Variants in ULK4 observed in about 807,000 individuals in gnomAD.
The protein encoded by ULK4 is inactive serine/threonine-protein kinase ULK4.
Under a neutral mutation model 160.6 loss-of-function variants are expected in ULK4, and 133 were observed. That is an observed-to-expected ratio of 0.83 (90% CI 0.72 to 0.96). The LOEUF (loss-of-function observed/expected upper bound fraction) is 0.96. ULK4 is among the 40% of genes least tolerant of loss of function. ULK4 has a pLI of 0.00. For synonymous variants in ULK4, 534 were observed against 539.8 expected (o/e 0.99, Z 0.15); for missense variants, 1,580 against 1,499.5 (o/e 1.05, Z -0.89).
chr3:41,379,048 C>A (rs1259009981), intron 35 of ULK4, among the ~76,000 whole-genome samples: 1 of 151,694 alleles, frequency 6.6e-6, no homozygotes, highest in Non-Finnish European at 1.5e-5. Context: ...CACACCAGGG[C>A]CTGTCGGGAG....
chr3:41,275,332 G>A (rs913628282), intron 35 of ULK4, among the ~76,000 whole-genome samples: 3 of 152,186 alleles, frequency 2.0e-5, no homozygotes, highest in African/African-American at 4.8e-5. Context: ...ATAGCACTTT[G>A]TTAAGGGTTA....
intron 36 of ULK4, among the ~76,000 whole-genome samples, chr3:41,247,753 A>T (rs1035384509): frequency 2.0e-5 from 3 of 152,194 alleles, no homozygotes; most frequent in Admixed American, 2.0e-4. Context: ...CCCCTGGCTG[A>T]GTCTAGGCTA....
chr3:41,937,292 A>G (rs1464323872), intron 3 of ULK4: 3 of 686,906 alleles, frequency 4.4e-6, no homozygotes, highest in Non-Finnish European at 8.0e-6. Context: ...GTGTCTTGAT[A>G]ACCTTGTCCA....
chr3:41,856,028 A>G (rs1469653881), intron 17 of ULK4, among the ~76,000 whole-genome samples: 1 of 152,190 alleles, frequency 6.6e-6, no homozygotes, highest in Non-Finnish European at 1.5e-5. Context: ...CATTTTAAGA[A>G]ATTAGAAAGC....
chr3:41,676,451 C>A (rs113833345), intron 29 of ULK4, among the ~76,000 whole-genome samples: 2 of 152,124 alleles, frequency 1.3e-5, no homozygotes, highest in Non-Finnish European at 2.9e-5. Flanking sequence ...AACTCAAAAG[C>A]AAAGCACAGT....
At chr3:41,543,339 G>A (rs544109159) in intron 32 of ULK4, among the ~76,000 whole-genome samples, 1 of 152,132 alleles carries the variant, frequency 6.6e-6, no homozygotes, top group Non-Finnish European at 1.5e-5. Flanking sequence ...GGAGCCTCAT[G>A]TATATATATA....
At chr3:41,595,930 G>T (rs959046691) in intron 31 of ULK4, among the ~76,000 whole-genome samples, 1 of 152,220 alleles carries the variant, frequency 6.6e-6, no homozygotes, top group Non-Finnish European at 1.5e-5. Flanking sequence ...GCTGCAGAGG[G>T]ATGTGGGGTA....
chr3:41,620,876 C>T (rs1032896833), intron 30 of ULK4, among the ~76,000 whole-genome samples: 2 of 152,176 alleles, frequency 1.3e-5, no homozygotes. Context: ...CCCATCATCT[C>T]AGCCCAAAAG....
chr3:41,561,209 G>A (rs1457532838), intron 32 of ULK4, among the ~76,000 whole-genome samples: 6 of 152,158 alleles, frequency 3.9e-5, no homozygotes, highest in East Asian at 3.8e-4. Context: ...TCCCAGGGAC[G>A]AAGCCAACTT....
At position 41,911,332 on chromosome 3, in the gene ULK4, G is replaced by A; in HGVS notation, c.1070C>T (p.Ser357Phe). 6.2e-7 allele frequency: 1 copy of A among 1,613,924 alleles called. No individual in the cohort carries two copies. The highest frequency in any genetic ancestry group is 8.5e-7 in the Non-Finnish European group (1 of 1,179,988). ...TTTTACCTACCTGAGAAGAAACATGGATTCATTCAATTGACCCTCAAGAGT... is the reference window on the plus strand; with the variant it reads ...TTTTACCTACCTGAGAAGAAACATGAATTCATTCAATTGACCCTCAAGAGT... ...KSTLEGQLNE[S>F]MFLLSSRPTP... The change falls in exon 11 of 37, where the codon TCC becomes TTC. Residue 357 changes from serine to phenylalanine, a missense_variant. Coordinates refer to ENST00000301831, the MANE Select transcript of ULK4 (RefSeq NM_017886.4).
At chr3:41,797,398 T>G (rs1297466666) in intron 20 of ULK4, among the ~76,000 whole-genome samples, 2 of 152,132 alleles carry the variant, frequency 1.3e-5, no homozygotes, top group Non-Finnish European at 2.9e-5. Context: ...CTGGTACAGT[T>G]AAGAGTCATC....
At chr3:41,439,803 C>T (rs1014240029) in intron 34 of ULK4, among the ~76,000 whole-genome samples, 1 of 152,198 alleles carries the variant, frequency 6.6e-6, no homozygotes, top group African/African-American at 2.4e-5. Flanking sequence ...TGAGTTTACA[C>T]ATCAATTTTG....
chr3:41,544,128 T>C (rs1795341), intron 32 of ULK4, among the ~76,000 whole-genome samples: 128,962 of 152,152 alleles, frequency 0.85, 55,134 homozygotes, highest in Middle Eastern at 0.91. Flanking sequence ...AAACTGAACA[T>C]CTTGGATGAT....
chr3:41,794,685 A>AAAAAAAC (rs1553654846), intron 20 of ULK4, among the ~76,000 whole-genome samples: 2 of 129,028 alleles, frequency 1.6e-5, no homozygotes, highest in Non-Finnish European at 3.2e-5. Flanking sequence ...AAAAAAAAAA[A>AAAAAAAC]ACACAGAAAA....
At chr3:41,936,620 G>C (rs1699783083) in intron 3 of ULK4, among the ~76,000 whole-genome samples, 1 of 152,176 alleles carries the variant, frequency 6.6e-6, no homozygotes, top group African/African-American at 2.4e-5. Context: ...CAACAACACA[G>C]TTGGAACTGG....
In ULK4 at chr3:41,663,669, T is replaced by C. The variant is rs780989524; in HGVS notation, c.3009A>G (p.Pro1003=). Residue 1003 remains proline, a synonymous_variant, in exon 30 of 37, where the codon CCA becomes CCG. Transcript: ENST00000301831. ...QYEHILLEPD[P]VPAYALKLLV... is the part of the protein sequence containing the mutation. ...GCAGTTTCAGAGCATATGCTGGTACTGGGTCAGGTTCTAAAAGAATGTGCT... is the reference window on the plus strand; with the variant it reads ...GCAGTTTCAGAGCATATGCTGGTACCGGGTCAGGTTCTAAAAGAATGTGCT... 3 of 1,614,024 alleles carry C rather than the reference T, an allele frequency of 1.9e-6. No homozygotes were observed. Among genetic ancestry groups the C allele is most frequent in the Non-Finnish European group, 1.7e-6 (2 of 1,179,918 alleles).
At chr3:41,383,223 C>T (rs998408510) in intron 35 of ULK4, among the ~76,000 whole-genome samples, 4 of 151,784 alleles carry the variant, frequency 2.6e-5, no homozygotes, top group African/African-American at 7.2e-5. Flanking sequence ...CTCAGCCTCC[C>T]GAGTAGCTAG....
intron 32 of ULK4, among the ~76,000 whole-genome samples, chr3:41,538,106 A>G (rs1418230946): frequency 6.6e-6 from 1 of 152,090 alleles, no homozygotes; most frequent in Non-Finnish European, 1.5e-5. Flanking sequence ...TTCTAAAAGT[A>G]TCAAATCATC....
intron 32 of ULK4, among the ~76,000 whole-genome samples, chr3:41,538,483 G>A (rs1003168778): frequency 6.6e-6 from 1 of 151,956 alleles, no homozygotes; most frequent in Admixed American, 6.6e-5. Context: ...ACTTTTCTCT[G>A]CTTCTTAGAA....
Sources: allele counts gnomAD v4.1 joint callset (sites outside exome capture counted in the v4.1 genomes callset), GRCh38; gene constraint gnomAD v4.1.1; transcripts MANE v1.5; gene names NCBI Gene and HGNC (gene_info 2026-07-23, HGNC 2026-07-21).